Variants in PAM observed in about 807,000 individuals in gnomAD.
PAM encodes peptidyl-glycine alpha-amidating monooxygenase.
Under a neutral mutation model 122.1 loss-of-function variants are expected in PAM, and 72 were observed. That is an observed-to-expected ratio of 0.59 (90% CI 0.49 to 0.72). The LOEUF is 0.72. PAM is among the 30% of genes least tolerant of loss of function. The pLI, the probability that PAM is intolerant of heterozygous loss-of-function variation, is 0.00. For missense variants in PAM, 1,106 were observed against 1,183.7 expected, an observed-to-expected ratio of 0.93 and a Z score of 0.96; for synonymous variants, 389 against 404.4, an observed-to-expected ratio of 0.96 and a Z score of 0.46.
intron 12 of PAM, among the ~76,000 whole-genome samples, chr5:102,956,631 G>A (rs1170053585): frequency 4.0e-5 from 6 of 151,860 alleles, no homozygotes; most frequent in African/African-American, 1.2e-4. Context: ...TCCAATATTA[G>A]TATATAATTA....
At chr5:103,025,923 G>A (rs913027655) in intron 24 of PAM, among the ~76,000 whole-genome samples, 9 of 152,164 alleles carry the variant, frequency 5.9e-5, no homozygotes, top group African/African-American at 1.9e-4. Context: ...CAATGGTTAT[G>A]ATGAATAATC....
intron 1 of PAM, among the ~76,000 whole-genome samples, chr5:102,787,058 A>T (rs1760735697): frequency 6.6e-6 from 1 of 152,176 alleles, no homozygotes; most frequent in South Asian, 2.1e-4. Context: ...CTGTTGAATT[A>T]TAATGATCTG....
intron 1 of PAM, among the ~76,000 whole-genome samples, chr5:102,794,999 G>A (rs1440675201): frequency 6.6e-6 from 1 of 151,604 alleles, no homozygotes; most frequent in African/African-American, 2.4e-5. Flanking sequence ...AGACCAGCCT[G>A]GTCAACATAG....
At chr5:102,845,391 CAA>C (rs946029650) in intron 1 of PAM, among the ~76,000 whole-genome samples, 6 of 152,234 alleles carry the variant, frequency 3.9e-5, no homozygotes, top group East Asian at 1.9e-4. Context: ...AAAGAGAAAA[CAA>C]GAGTCAAAGC....
rs1244228641 is a variant in PAM at position 102,810,322 on chromosome 5, A to G, written c.-374+54974A>G. Among the ~76,000 whole-genome samples the G allele has an allele frequency of 2.0e-5, 3 of 152,204 alleles. No homozygotes were observed. The South Asian group carries it at 6.2e-4, about 31-fold the overall frequency. ...TTACAGTTTCCTTCATGCTTGAATCAGGGAGTAGTTCCAAGTAGTTTTAGG... is the reference window on the plus strand; with the variant it reads ...TTACAGTTTCCTTCATGCTTGAATCGGGGAGTAGTTCCAAGTAGTTTTAGG... On this transcript the variant is annotated intron_variant, in intron 1 of 25. Coordinates refer to ENST00000438793, the MANE Select transcript of PAM (RefSeq NM_001177306.2).
intron 3 of PAM, chr5:102,873,482 T>G (rs1788181092): frequency 6.6e-6 from 1 of 152,398 alleles, no homozygotes; most frequent in Admixed American, 6.5e-5. Context: ...GCCCCATGGA[T>G]TTCCTTATCA....
At chr5:102,995,969 T>C (rs935821492) in intron 16 of PAM, among the ~76,000 whole-genome samples, 1 of 152,022 alleles carries the variant, frequency 6.6e-6, no homozygotes, top group Non-Finnish European at 1.5e-5. Context: ...TTCTCTAGCT[T>C]CTTAATTTAT....
chr5:102,841,732 G>A (rs926925280), intron 1 of PAM, among the ~76,000 whole-genome samples: 9 of 152,032 alleles, frequency 5.9e-5, no homozygotes, highest in African/African-American at 1.9e-4. Context: ...TCTTGAACTC[G>A]AAAATATAGA....
At chr5:102,974,069 A>G (rs745484118) in intron 14 of PAM, 47 bp from the exon 15 acceptor site, 2 of 1,345,616 alleles carry the variant, frequency 1.5e-6, no homozygotes, top group African/African-American at 2.9e-5. Flanking sequence ...TAAATTTTGC[A>G]ATCTTATCTA....
intron 5 of PAM, among the ~76,000 whole-genome samples, chr5:102,915,147 T>C (rs999315292): frequency 6.6e-6 from 1 of 152,102 alleles, no homozygotes; most frequent in African/African-American, 2.4e-5. Flanking sequence ...CATTTAATAG[T>C]CCGAAATGAC....
chr5:102,754,821 C>A (rs977333261), upstream of PAM: 1 of 152,268 alleles, frequency 6.6e-6, no homozygotes, highest in African/African-American at 2.4e-5. Context: ...GGCGTGGCCA[C>A]CTCGCAAGGC....
intron 1 of PAM, among the ~76,000 whole-genome samples, chr5:102,852,444 T>C (rs1366803619): frequency 6.6e-6 from 1 of 152,168 alleles, no homozygotes; most frequent in East Asian, 1.9e-4. Flanking sequence ...ATTTGGTTTC[T>C]ATTTTTTTCA....
At chr5:103,024,168 T>C (rs986870842) in intron 23 of PAM, among the ~76,000 whole-genome samples, 6 of 152,164 alleles carry the variant, frequency 3.9e-5, no homozygotes, top group Non-Finnish European at 7.4e-5. Context: ...TAACTTTTAG[T>C]CTGGGCAAAT....
intron 1 of PAM, among the ~76,000 whole-genome samples, chr5:102,799,170 T>C (rs1158379793): frequency 6.6e-6 from 1 of 152,214 alleles, no homozygotes; most frequent in Non-Finnish European, 1.5e-5. Context: ...GCTTACAAGA[T>C]TACTTAATCA....
intron 3 of PAM, among the ~76,000 whole-genome samples, chr5:102,869,765 G>A (rs544877726): frequency 8.8e-4 from 134 of 152,176 alleles, no homozygotes; most frequent in African/African-American, 3.0e-3. Context: ...CTCTGATGCC[G>A]TAAGTACTTT....
intron 1 of PAM, among the ~76,000 whole-genome samples, chr5:102,783,081 T>G (rs1243219163): frequency 6.6e-6 from 1 of 152,060 alleles, no homozygotes; most frequent in Non-Finnish European, 1.5e-5. Flanking sequence ...GTATTTTCAT[T>G]GAGTATGATC....
At chr5:102,997,437 T>G (rs1158861595) in intron 16 of PAM, among the ~76,000 whole-genome samples, 1 of 152,010 alleles carries the variant, frequency 6.6e-6, no homozygotes, top group East Asian at 1.9e-4. Flanking sequence ...GAGGATCACA[T>G]GAGTCTGGTA....
chr5:102,945,631 A>T (rs1478202052), intron 7 of PAM, among the ~76,000 whole-genome samples: 1 of 151,756 alleles, frequency 6.6e-6, no homozygotes, highest in Non-Finnish European at 1.5e-5. Flanking sequence ...GCTCTGAGTT[A>T]ATTTGCCTAT....
chr5:102,800,134 C>T (rs1193602337), intron 1 of PAM, among the ~76,000 whole-genome samples: 2 of 152,288 alleles, frequency 1.3e-5, no homozygotes, highest in South Asian at 2.1e-4. Context: ...TCCTTATGTT[C>T]CTTAAACATT....
Sources: allele counts gnomAD v4.1 joint callset (sites outside exome capture counted in the v4.1 genomes callset), GRCh38; gene constraint gnomAD v4.1.1; transcripts MANE v1.5; gene names NCBI Gene and HGNC (gene_info 2026-07-23, HGNC 2026-07-21).